GLG1: variants seen among roughly 807,000 people sequenced by gnomAD.
GLG1 encodes the protein golgi glycoprotein 1, also known as Golgi apparatus protein 1.
Under a neutral mutation model 160.5 loss-of-function variants are expected in GLG1, and 38 were observed. The ratio of observed to expected loss-of-function variants is 0.24; its 90% CI spans 0.18 to 0.31. The LOEUF (loss-of-function observed/expected upper bound fraction) is 0.31, where lower values mean the gene tolerates loss of function less well. Among genes scored for constraint, GLG1 ranks in the 10% least tolerant of loss-of-function variants. The pLI, the probability that GLG1 is intolerant of heterozygous loss-of-function variation, is 1.00. For synonymous variants in GLG1, 644 were observed against 543.4 expected (o/e 1.19, Z -2.57); for missense variants, 1,373 against 1,505.2 (o/e 0.91, Z 1.45).
intron 18 of GLG1, 117 bp from the exon 19 acceptor site, chr16:74,465,930 C>A (rs1358040403): frequency 2.3e-6 from 2 of 876,266 alleles, no homozygotes; most frequent in African/African-American, 1.7e-5. Flanking sequence ...TTCTCATTCC[C>A]AGGCAATCGG....
At chr16:74,538,277 ACT>A (rs1212518369) in intron 1 of GLG1, among the ~76,000 whole-genome samples, 1 of 150,766 alleles carries the variant, frequency 6.6e-6, no homozygotes, top group Non-Finnish European at 1.5e-5. Flanking sequence ...AATTGGAGAC[ACT>A]CTGCTGCAGT....
chr16:74,495,420 T>A (rs764320327), intron 5 of GLG1, among the ~76,000 whole-genome samples: 1 of 152,222 alleles, frequency 6.6e-6, no homozygotes, highest in Non-Finnish European at 1.5e-5. Flanking sequence ...AGCCTCTGAG[T>A]CTTCTTTCTT....
At chr16:74,530,315 T>C (rs565348245) in intron 2 of GLG1, among the ~76,000 whole-genome samples, 1 of 152,310 alleles carries the variant, frequency 6.6e-6, no homozygotes, top group East Asian at 1.9e-4. Flanking sequence ...AACATATGCA[T>C]TTTAGGTTGA....
intron 24 of GLG1, among the ~76,000 whole-genome samples, chr16:74,457,238 A>G (rs146797998): frequency 2.0e-5 from 3 of 152,278 alleles, no homozygotes; most frequent in East Asian, 3.9e-4. Flanking sequence ...GTACTTAAAA[A>G]ATACAAAAAT....
At position 74,544,875 on chromosome 16, in the gene GLG1, A is replaced by C. The variant is rs1567515375; in HGVS notation, c.439-12722T>G. Among the ~76,000 whole-genome samples, 3 of 152,080 alleles carry C rather than the reference A, an allele frequency of 2.0e-5. No individual in the cohort carries two copies. The South Asian group carries it at 6.2e-4, about 31-fold the overall frequency. On this transcript the variant is annotated intron_variant, in intron 1 of 25. Transcript: ENST00000422840. ...GCACAATGCTAGTAGTAAGTATGTA[A>C]TAAATATAATCTATAATTATAATAA...
At chr16:74,518,816 T>A (rs2017066565) in intron 2 of GLG1, among the ~76,000 whole-genome samples, 1 of 151,896 alleles carries the variant, frequency 6.6e-6, no homozygotes, top group Non-Finnish European at 1.5e-5. Flanking sequence ...AGGGCTAATA[T>A]CCATTAAGTC....
chr16:74,571,173 T>G (rs576559150), intron 1 of GLG1, among the ~76,000 whole-genome samples: 1 of 151,912 alleles, frequency 6.6e-6, no homozygotes, highest in South Asian at 2.1e-4. Context: ...TGGAGCCCAG[T>G]TGCTTTTTTC....
chr16:74,602,880 G>C (rs1056569406), intron 1 of GLG1, among the ~76,000 whole-genome samples: 10 of 151,900 alleles, frequency 6.6e-5, no homozygotes, highest in Non-Finnish European at 8.8e-5. Flanking sequence ...AAAATCTATG[G>C]GGCACGCACA....
At chr16:74,579,666 G>A (rs1053728071) in intron 1 of GLG1, among the ~76,000 whole-genome samples, 8 of 151,676 alleles carry the variant, frequency 5.3e-5, no homozygotes, top group Non-Finnish European at 1.2e-4. Context: ...AGGTTGCAAT[G>A]AGCTGAGATT....
intron 7 of GLG1, among the ~76,000 whole-genome samples, chr16:74,492,332 A>G (rs1461450260): frequency 1.3e-5 from 2 of 150,006 alleles, no homozygotes; most frequent in East Asian, 4.0e-4. Context: ...GTGCCACTGC[A>G]CTACAGCCTG....
chr16:74,507,248 G>A (rs913917360), intron 3 of GLG1, among the ~76,000 whole-genome samples: 4 of 152,074 alleles, frequency 2.6e-5, no homozygotes, highest in Non-Finnish European at 4.4e-5. Flanking sequence ...AGGTCACAGA[G>A]GACCATCGTG....
chr16:74,485,952 G>C (rs375878294), intron 8 of GLG1, 35 bp from the exon 9 acceptor site: 3 of 1,577,846 alleles, frequency 1.9e-6, no homozygotes, highest in Non-Finnish European at 1.7e-6. Flanking sequence ...AAGAAAGAAA[G>C]TCACTTAGGT....
At chr16:74,534,810 T>A (rs2017642900) in intron 1 of GLG1, among the ~76,000 whole-genome samples, 1 of 152,190 alleles carries the variant, frequency 6.6e-6, no homozygotes, top group African/African-American at 2.4e-5. Flanking sequence ...AGCACTGCAG[T>A]CCACATTTGC....
intron 1 of GLG1, among the ~76,000 whole-genome samples, chr16:74,569,873 A>AC (rs1220141869): frequency 6.6e-6 from 1 of 150,830 alleles, no homozygotes; most frequent in African/African-American, 2.4e-5. Context: ...AAAAAAAAAA[A>AC]AGAAAAAAAA....
At chr16:74,475,559 T>G (rs11861157) in intron 12 of GLG1, among the ~76,000 whole-genome samples, 2,540 of 152,324 alleles carry the variant, frequency 0.017, 55 homozygotes, top group African/African-American at 0.057. Context: ...TGTGTGGGCT[T>G]TGGAAACCGA....
chr16:74,557,291 T>C (rs2018380160), intron 1 of GLG1, among the ~76,000 whole-genome samples: 1 of 152,160 alleles, frequency 6.6e-6, no homozygotes, highest in South Asian at 2.1e-4. Flanking sequence ...TATCCATTAC[T>C]ATGTAATAGT....
At chr16:74,471,146 G>T in intron 15 of GLG1, 27 bp downstream of exon 15, 1 of 1,131,174 alleles carries the variant, frequency 8.8e-7, no homozygotes, top group Non-Finnish European at 1.4e-6. Context: ...AGCTATGATG[G>T]GATATTGGCA....
Position 74,462,087 on chromosome 16 carries a change from A to T in GLG1, c.3036+7T>A, listed in dbSNP as rs1275945162. On this transcript the variant is annotated splice_region_variant and intron_variant, in intron 22 of 25. Transcript: ENST00000422840. ...TGTGCGTAACCAGTTTTGCACGCAA[A>T]TCCCACCTCGTCTGAGCAGTGCAGC... 1 of 1,520,500 alleles carries T rather than the reference A, an allele frequency of 6.6e-7. No individual in the cohort carries two copies. Among genetic ancestry groups the T allele is most frequent in the Non-Finnish European group, 9.1e-7 (1 of 1,097,164 alleles). The allele number at this position is 1,520,500 out of a possible 1,614,324, so 94.2% of individuals were successfully genotyped here. A position where few individuals can be genotyped will look rare whatever the true frequency, so the allele number is the denominator to read the frequency against.
intron 25 of GLG1, 128 bp from the exon 26 acceptor site, chr16:74,453,462 A>G (rs2014406535): frequency 1.6e-6 from 1 of 629,944 alleles, no homozygotes; most frequent in Non-Finnish European, 2.8e-6. Flanking sequence ...AGGGCAGGAG[A>G]TAAGAAAAAT....
Sources: gnomAD v4.1 joint callset for allele counts (sites outside exome capture counted in the v4.1 genomes callset) on GRCh38, gnomAD v4.1.1 for gene constraint, MANE v1.5 for transcripts, NCBI Gene and HGNC (gene_info 2026-07-23, HGNC 2026-07-21) for gene names.